Variants in MEIS2 observed in about 807,000 individuals in gnomAD.
MEIS2 encodes homeobox protein Meis2.
A neutral mutation model predicts 58.6 loss-of-function variants in MEIS2; 9 were observed. That is an observed-to-expected ratio of 0.15 (90% CI 0.09 to 0.27). The LOEUF (loss-of-function observed/expected upper bound fraction) is 0.27. Ranked by LOEUF, MEIS2 falls within the 10% of genes least tolerant of loss-of-function variation. The pLI is 1.00. For synonymous variants in MEIS2, 221 were observed against 228.4 expected, an observed-to-expected ratio of 0.97 and a Z score of 0.29; for missense variants, 427 against 635.0, an observed-to-expected ratio of 0.67 and a Z score of 3.52.
In MEIS2 at chr15:37,055,183, C is replaced by T. The variant is rs565665407; in HGVS notation, c.755-18224G>A. Among the ~76,000 whole-genome samples the T allele has an allele frequency of 2.6e-5, 4 of 152,260 alleles. No individual in the cohort carries two copies. In the South Asian group the frequency reaches 8.3e-4, roughly 32 times the overall value. ...CAGAATTTCCCATTCTCCTATAAAA[C>T]CTCATAACATTTCTATACCCTATTG... On this transcript the variant is annotated intron_variant, in intron 7 of 11. Transcript: ENST00000561208.
At chr15:36,975,522 T>C (rs2059714832) in intron 8 of MEIS2, among the ~76,000 whole-genome samples, 2 of 121,716 alleles carry the variant, frequency 1.6e-5, no homozygotes, top group Non-Finnish European at 1.7e-5. Context: ...TACCATGTGC[T>C]AAGCGCTCCT....
At chr15:37,023,422 T>G (rs2061592299) in intron 8 of MEIS2, among the ~76,000 whole-genome samples, 2 of 152,232 alleles carry the variant, frequency 1.3e-5, no homozygotes, top group South Asian at 2.1e-4. Flanking sequence ...TAATTCTCAG[T>G]GCACAAGCTC....
intron 7 of MEIS2, among the ~76,000 whole-genome samples, chr15:37,040,230 A>G (rs2062364852): frequency 6.6e-6 from 1 of 152,190 alleles, no homozygotes; most frequent in South Asian, 2.1e-4. Flanking sequence ...TTAGGATTCA[A>G]AATTGTGGAA....
At chr15:36,956,070 G>A (rs1019044410) in intron 8 of MEIS2, among the ~76,000 whole-genome samples, 3 of 145,746 alleles carry the variant, frequency 2.1e-5, no homozygotes, top group Middle Eastern at 3.5e-3. Flanking sequence ...GGTGGCGGGC[G>A]CCTGTAGTCC....
At chr15:36,970,575 A>C (rs2059517198) in intron 8 of MEIS2, among the ~76,000 whole-genome samples, 1 of 152,204 alleles carries the variant, frequency 6.6e-6, no homozygotes. Flanking sequence ...TGCTGTACAA[A>C]TCAGTGGAAG....
At chr15:37,049,575 CT>C (rs2141798252) in intron 7 of MEIS2, among the ~76,000 whole-genome samples, 1 of 152,088 alleles carries the variant, frequency 6.6e-6, no homozygotes, top group East Asian at 1.9e-4. Flanking sequence ...CAACCTCCGC[CT>C]CTTGGGTTCA....
At chr15:37,083,714 T>C (rs1488203821) in intron 7 of MEIS2, 57 bp downstream of exon 7, 1 of 1,440,452 alleles carries the variant, frequency 6.9e-7, no homozygotes, top group African/African-American at 1.4e-5. Context: ...TATCATAAAA[T>C]ACTGAAGTTA....
At chr15:36,957,824 G>A (rs1354133514) in intron 8 of MEIS2, among the ~76,000 whole-genome samples, 7 of 152,184 alleles carry the variant, frequency 4.6e-5, no homozygotes, top group Non-Finnish European at 8.8e-5. Context: ...AGAAAGGACT[G>A]GCTGTGCCAC....
At chr15:37,098,384 GAGAGAGAGAGAGAGA>G in intron 1 of MEIS2, 185 bp from the exon 2 acceptor site, 1 of 753,392 alleles carries the variant, frequency 1.3e-6, no homozygotes. Flanking sequence ...GAGGGGGAGA[GAGAGAGAGAGAGAGA>G]GAGAGAGAGA....
chr15:37,010,781 T>C (rs1330177848), intron 8 of MEIS2, among the ~76,000 whole-genome samples: 1 of 152,240 alleles, frequency 6.6e-6, no homozygotes, highest in Non-Finnish European at 1.5e-5. Flanking sequence ...TGAGGGTGGA[T>C]TTATTGCTGA....
chr15:36,983,662 T>C (rs2060003244), intron 8 of MEIS2, among the ~76,000 whole-genome samples: 1 of 152,084 alleles, frequency 6.6e-6, no homozygotes, highest in Non-Finnish European at 1.5e-5. Context: ...TTAGGATTGT[T>C]TTTTCTATTT....
chr15:37,079,913 T>C (rs1596089441), intron 7 of MEIS2, among the ~76,000 whole-genome samples: 1 of 152,088 alleles, frequency 6.6e-6, no homozygotes, highest in South Asian at 2.1e-4. Flanking sequence ...GCGTGTGGTG[T>C]GCAGTGTGAG....
intron 8 of MEIS2, among the ~76,000 whole-genome samples, chr15:36,962,550 C>T (rs574438431): frequency 4.6e-5 from 7 of 151,208 alleles, no homozygotes; most frequent in South Asian, 2.1e-4. Flanking sequence ...TTTTTACTGT[C>T]GCAGTGTTAT....
At chr15:36,914,621 G>A (rs1207705404) in intron 9 of MEIS2, among the ~76,000 whole-genome samples, 1 of 152,194 alleles carries the variant, frequency 6.6e-6, no homozygotes, top group East Asian at 1.9e-4. Context: ...ACCAAAAGCT[G>A]AAGTGGAGCC....
intron 9 of MEIS2, among the ~76,000 whole-genome samples, chr15:36,926,880 C>T (rs1386112646): frequency 6.6e-6 from 1 of 152,190 alleles, no homozygotes; most frequent in Non-Finnish European, 1.5e-5. Flanking sequence ...CAGGACTGTA[C>T]TTTATAATCA....
At chr15:37,074,446 T>C (rs570824845) in intron 7 of MEIS2, among the ~76,000 whole-genome samples, 66 of 152,110 alleles carry the variant, frequency 4.3e-4, no homozygotes, top group African/African-American at 1.5e-3. Context: ...CCCTTTATGT[T>C]AAAAGATAAA....
chr15:36,918,421 T>A (rs1054552744), intron 9 of MEIS2, among the ~76,000 whole-genome samples: 7 of 152,048 alleles, frequency 4.6e-5, no homozygotes, highest in African/African-American at 7.2e-5. Context: ...CAATGTGAAG[T>A]CCAATTTGTA....
intron 7 of MEIS2, among the ~76,000 whole-genome samples, chr15:37,039,121 C>T (rs983269231): frequency 2.3e-4 from 35 of 151,974 alleles, no homozygotes; most frequent in Non-Finnish European, 4.7e-4. Context: ...AAGCAGTACC[C>T]GGAGATGAGG....
At chr15:37,029,423 T>G (rs1043581290) in intron 8 of MEIS2, among the ~76,000 whole-genome samples, 9 of 152,162 alleles carry the variant, frequency 5.9e-5, no homozygotes, top group Non-Finnish European at 7.4e-5. Flanking sequence ...ATGAAGGCCC[T>G]AATTTCCAAG....
Sources: gnomAD v4.1 joint callset for allele counts (sites outside exome capture counted in the v4.1 genomes callset) on GRCh38, gnomAD v4.1.1 for gene constraint, MANE v1.5 for transcripts, NCBI Gene and HGNC (gene_info 2026-07-23, HGNC 2026-07-21) for gene names.